Variants in DPP10 observed in about 807,000 individuals in gnomAD.
DPP10 encodes dipeptidyl peptidase like 10.
A neutral mutation model predicts 120.9 loss-of-function variants in DPP10; 33 were observed. That is an observed-to-expected ratio of 0.27 (90% CI 0.21 to 0.37). DPP10 has a LOEUF of 0.37. Ranked by LOEUF, DPP10 falls within the 10% of genes least tolerant of loss-of-function variation. The pLI, the probability that DPP10 is intolerant of heterozygous loss-of-function variation, is 1.00. For synonymous variants in DPP10, 337 were observed against 326.1 expected, an observed-to-expected ratio of 1.03 and a Z score of -0.36; for missense variants, 816 against 942.8, an observed-to-expected ratio of 0.87 and a Z score of 1.76.
intron 1 of DPP10, among the ~76,000 whole-genome samples, chr2:115,306,032 T>G (rs935410852): frequency 3.9e-5 from 6 of 151,980 alleles, no homozygotes; most frequent in Non-Finnish European, 8.8e-5. Flanking sequence ...TTATGAGTTA[T>G]TTTATTTTAA....
intron 1 of DPP10, among the ~76,000 whole-genome samples, chr2:114,494,207 G>A (rs1351995649): frequency 1.3e-5 from 2 of 151,516 alleles, no homozygotes; most frequent in Admixed American, 6.6e-5. Flanking sequence ...TCTCTGCAGT[G>A]TGATCTTGGG....
intron 1 of DPP10, among the ~76,000 whole-genome samples, chr2:114,575,317 G>A (rs1414451283): frequency 6.6e-6 from 1 of 152,144 alleles, no homozygotes; most frequent in Non-Finnish European, 1.5e-5. Flanking sequence ...GATGTGGGTG[G>A]CTCAGTCTCT....
At chr2:115,272,722 G>A (rs2105819994) in intron 1 of DPP10, among the ~76,000 whole-genome samples, 1 of 152,280 alleles carries the variant, frequency 6.6e-6, no homozygotes, top group Admixed American at 6.5e-5. Flanking sequence ...GGATCTTTCT[G>A]CCTCCCACTC....
At chr2:115,118,907 G>A (rs937459955) in intron 1 of DPP10, among the ~76,000 whole-genome samples, 14 of 152,136 alleles carry the variant, frequency 9.2e-5, no homozygotes, top group East Asian at 5.8e-4. Flanking sequence ...GAGCCACCGC[G>A]TCCAGCCTAA....
At chr2:114,592,135 G>T (rs559111564) in intron 1 of DPP10, among the ~76,000 whole-genome samples, 2 of 152,094 alleles carry the variant, frequency 1.3e-5, no homozygotes, top group African/African-American at 4.8e-5. Flanking sequence ...AGTTTCTTTC[G>T]AAAGTGTGAC....
At chr2:115,297,342 A>G in intron 1 of DPP10, 1 of 320,596 alleles carries the variant, frequency 3.1e-6, no homozygotes, top group South Asian at 2.4e-5. Context: ...CCAGGCTGCC[A>G]AGTTTACTAT....
intron 1 of DPP10, among the ~76,000 whole-genome samples, chr2:114,688,100 C>T (rs1187671751): frequency 6.6e-6 from 1 of 151,884 alleles, no homozygotes; most frequent in Non-Finnish European, 1.5e-5. Context: ...AAGGGAAGAA[C>T]ATGTTACACA....
chr2:114,835,218 A>T (rs929330649), intron 1 of DPP10: 3 of 151,540 alleles, frequency 2.0e-5, no homozygotes, highest in African/African-American at 7.3e-5. Flanking sequence ...TATATATAGG[A>T]CATATCTACA....
At chr2:114,697,139 G>A (rs1700115108) in intron 1 of DPP10, among the ~76,000 whole-genome samples, 1 of 151,958 alleles carries the variant, frequency 6.6e-6, no homozygotes, top group Non-Finnish European at 1.5e-5. Context: ...TAGGAATATT[G>A]TTGAGCTGCC....
intron 3 of DPP10, among the ~76,000 whole-genome samples, chr2:115,457,897 G>A (rs914899895): frequency 6.6e-6 from 1 of 151,934 alleles, no homozygotes; most frequent in Non-Finnish European, 1.5e-5. Context: ...CTTAAACACT[G>A]CAAACAATAC....
chr2:115,244,239 T>TATAG (rs1348001277), intron 1 of DPP10, among the ~76,000 whole-genome samples: 47 of 93,480 alleles, frequency 5.0e-4, no homozygotes, highest in Non-Finnish European at 7.8e-4. Context: ...TATATATATA[T>TATAG]AGAGAGAGAG....
At chr2:114,834,654 G>A (rs1265113448) in intron 1 of DPP10, among the ~76,000 whole-genome samples, 2 of 114,294 alleles carry the variant, frequency 1.7e-5, no homozygotes, top group African/African-American at 7.9e-5. Flanking sequence ...ACACACCTAT[G>A]TATATATATA....
At chr2:114,552,541 C>G (rs1299451267) in intron 1 of DPP10, among the ~76,000 whole-genome samples, 1 of 151,816 alleles carries the variant, frequency 6.6e-6, no homozygotes, top group Non-Finnish European at 1.5e-5. Flanking sequence ...ATTCTTTTTT[C>G]TTTCTCTTTT....
chr2:115,326,127 T>G (rs905491079), intron 2 of DPP10, among the ~76,000 whole-genome samples: 5 of 152,176 alleles, frequency 3.3e-5, no homozygotes, highest in African/African-American at 1.2e-4. Flanking sequence ...TGTAAAATAT[T>G]AGTTCATTGA....
At chr2:115,661,618 G>A (rs2088981134) in intron 5 of DPP10, among the ~76,000 whole-genome samples, 2 of 152,140 alleles carry the variant, frequency 1.3e-5, no homozygotes, top group African/African-American at 4.8e-5. Flanking sequence ...CCAGTTTCAT[G>A]GTGTGGTTTC....
At chr2:114,955,125 G>A (rs1238526295) in intron 1 of DPP10, among the ~76,000 whole-genome samples, 1 of 152,190 alleles carries the variant, frequency 6.6e-6, no homozygotes. Flanking sequence ...GAGAAGCCCC[G>A]AGGGCTGCTG....
chr2:115,802,737 G>A (rs557114978), intron 19 of DPP10, among the ~76,000 whole-genome samples: 21 of 152,122 alleles, frequency 1.4e-4, no homozygotes, highest in African/African-American at 4.1e-4. Context: ...GTAGTTGAGC[G>A]GTTTTGAGTG....
At chr2:114,596,362 T>C (rs1691907723) in intron 1 of DPP10, among the ~76,000 whole-genome samples, 1 of 151,744 alleles carries the variant, frequency 6.6e-6, no homozygotes, top group Non-Finnish European at 1.5e-5. Flanking sequence ...CCCTCTGATG[T>C]CTAAAGGAAA....
intron 1 of DPP10, among the ~76,000 whole-genome samples, chr2:114,803,043 G>A (rs949223273): frequency 2.0e-5 from 3 of 152,028 alleles, no homozygotes; most frequent in Non-Finnish European, 2.9e-5. Context: ...GAATTCCTAC[G>A]TGTTGTACGA....
Sources: gnomAD v4.1 joint callset for allele counts (sites outside exome capture counted in the v4.1 genomes callset) on GRCh38, gnomAD v4.1.1 for gene constraint, MANE v1.5 for transcripts, NCBI Gene and HGNC (gene_info 2026-07-23, HGNC 2026-07-21) for gene names.